Variants in TENM4 observed in about 807,000 individuals in gnomAD.
TENM4 encodes teneurin-4.
Under a neutral mutation model 243.3 loss-of-function variants are expected in TENM4, and 82 were observed. The observed-to-expected ratio is 0.34, with a 90% CI of 0.28 to 0.40. TENM4 has a LOEUF of 0.40. TENM4 is among the 10% of genes least tolerant of loss of function. The pLI is 1.00. For synonymous variants in TENM4, 1,412 were observed against 1,456.3 expected (o/e 0.97, Z 0.69); for missense variants, 3,138 against 3,673.3 (o/e 0.85, Z 3.77).
At chr11:78,869,593 A>G (rs1216886210) in intron 9 of TENM4, among the ~76,000 whole-genome samples, 1 of 152,084 alleles carries the variant, frequency 6.6e-6, no homozygotes, top group Non-Finnish European at 1.5e-5. Context: ...ATGCTCTCTC[A>G]CTCAATCTTT....
At chr11:78,811,762 C>G (rs1448379659) in intron 14 of TENM4, among the ~76,000 whole-genome samples, 2 of 152,194 alleles carry the variant, frequency 1.3e-5, no homozygotes, top group East Asian at 3.8e-4. Context: ...TGTCTACTAG[C>G]CATGTGTCCT....
intron 9 of TENM4, 50 bp downstream of exon 9, chr11:78,889,735 C>T: frequency 1.3e-6 from 2 of 1,531,638 alleles, no homozygotes; most frequent in South Asian, 2.4e-5. Context: ...TTGGTTGCTG[C>T]CCTCTGGGCC....
At chr11:79,188,639 A>G (rs1863419385) in intron 3 of TENM4, among the ~76,000 whole-genome samples, 1 of 150,634 alleles carries the variant, frequency 6.6e-6, no homozygotes, top group African/African-American at 2.4e-5. Flanking sequence ...ATAAAGGAGA[A>G]GGGGAGCAAG....
At chr11:79,340,807 C>A (rs965073456) in intron 1 of TENM4, among the ~76,000 whole-genome samples, 2 of 152,136 alleles carry the variant, frequency 1.3e-5, no homozygotes, top group African/African-American at 4.8e-5. Flanking sequence ...CACTCCCTCC[C>A]CTGGTGTGGT....
intron 15 of TENM4, among the ~76,000 whole-genome samples, chr11:78,787,285 A>G (rs1053252904): frequency 6.6e-6 from 1 of 152,212 alleles, no homozygotes; most frequent in African/African-American, 2.4e-5. Flanking sequence ...TCCGTGGACA[A>G]TGACCCTCAG....
In TENM4 at chr11:78,854,327, G is replaced by A. The variant is rs1055853449; in HGVS notation, c.1471-13C>T. ...CCACAAAGTCAAACTGAAAGACAGAGAAAGCACAGTTAGCAGTGGGTCTGT... is the reference window on the plus strand; with the variant it reads ...CCACAAAGTCAAACTGAAAGACAGAAAAAGCACAGTTAGCAGTGGGTCTGT... On this transcript the variant is annotated splice_polypyrimidine_tract_variant and intron_variant, in intron 11 of 33. Coordinates refer to ENST00000278550, the MANE Select transcript of TENM4 (RefSeq NM_001098816.3). 1 of 1,489,450 alleles carries A rather than the reference G, an allele frequency of 6.7e-7. No homozygotes were observed. Among genetic ancestry groups the A allele is most frequent in the African/African-American group, 1.4e-5 (1 of 70,842 alleles). 92.3% of individuals were successfully genotyped at this position (1,489,450 alleles called of 1,614,324 possible).
chr11:78,823,533 T>G lies in TENM4; in HGVS notation c.1682-9138A>C, dbSNP rs149670455. Among the ~76,000 whole-genome samples the G allele has an allele frequency of 3.1e-3, 469 of 152,052 alleles. 3 individuals are homozygous for G. The highest frequency in any genetic ancestry group is 0.011 in the African/African-American group (452 of 41,462). On this transcript the variant is annotated intron_variant, in intron 12 of 33. Transcript: ENST00000278550. ...AGACGGGCTGGTGAGGTCCTTAAGG[T>G]CAAGGTGGAACCAAAGTGAAGAGGA... is the stretch of plus-strand genomic sequence containing the variant.
At chr11:79,235,822 C>T (rs578169428) in intron 2 of TENM4, among the ~76,000 whole-genome samples, 24 of 152,256 alleles carry the variant, frequency 1.6e-4, no homozygotes, top group Non-Finnish European at 3.2e-4. Flanking sequence ...CCTTGCCCTC[C>T]TTTCTTTGAG....
At chr11:78,928,140 C>T (rs1268944253) in intron 6 of TENM4, among the ~76,000 whole-genome samples, 1 of 152,160 alleles carries the variant, frequency 6.6e-6, no homozygotes, top group African/African-American at 2.4e-5. Context: ...CAAGACCCCA[C>T]CTTCCCCGTC....
rs1337487080 is a variant in TENM4 at position 79,182,335 on chromosome 11, T to C, written c.-163+33473A>G. Among the ~76,000 whole-genome samples the C allele has an allele frequency of 2.0e-5, 3 of 152,156 alleles. No individual in the cohort carries two copies. In the East Asian group the frequency reaches 5.8e-4, roughly 29 times the overall value. On this transcript the variant is annotated intron_variant, in intron 3 of 33. Coordinates refer to ENST00000278550, the MANE Select transcript of TENM4 (RefSeq NM_001098816.3). ...TGACAACAGAGCAAAGGCAATTTAATGGCACAAACATAATATTTTCAACAA... is the reference window on the plus strand; with the variant it reads ...TGACAACAGAGCAAAGGCAATTTAACGGCACAAACATAATATTTTCAACAA...
chr11:78,951,691 T>C (rs1404185941), intron 6 of TENM4, among the ~76,000 whole-genome samples: 2 of 152,162 alleles, frequency 1.3e-5, no homozygotes, highest in Non-Finnish European at 2.9e-5. Context: ...CTTCCTCTTT[T>C]ATAAGGACAC....
At chr11:78,708,313 G>A (rs1859305363) in intron 27 of TENM4, 48 bp downstream of exon 27, 1 of 1,607,808 alleles carries the variant, frequency 6.2e-7, no homozygotes. Flanking sequence ...TGGCAGATGA[G>A]AGGATGAGTG....
At chr11:78,933,201 A>G (rs1308298718) in intron 6 of TENM4, among the ~76,000 whole-genome samples, 3 of 152,110 alleles carry the variant, frequency 2.0e-5, no homozygotes, top group African/African-American at 7.2e-5. Flanking sequence ...GGGACAAGTG[A>G]GAATCGGTTT....
intron 2 of TENM4, among the ~76,000 whole-genome samples, chr11:79,264,215 C>T (rs373001333): frequency 6.6e-6 from 1 of 152,170 alleles, no homozygotes; most frequent in South Asian, 2.1e-4. Context: ...ATGGCCGGCA[C>T]GGGTGCTTTA....
intron 1 of TENM4, among the ~76,000 whole-genome samples, chr11:79,396,851 A>C (rs1393147135): frequency 6.6e-6 from 1 of 152,232 alleles, no homozygotes; most frequent in Admixed American, 6.5e-5. Context: ...TATGAGTCAC[A>C]ACCAAAGCCA....
At chr11:78,890,253 G>A (rs1457575700) in intron 8 of TENM4, among the ~76,000 whole-genome samples, 1 of 152,156 alleles carries the variant, frequency 6.6e-6, no homozygotes, top group East Asian at 1.9e-4. Context: ...CCCTACCCAT[G>A]GGAAAACCCA....
At position 79,180,464 on chromosome 11, in the gene TENM4, A is replaced by G. The variant is rs542554962; in HGVS notation, c.-162-31658T>C. 1.8e-4 allele frequency among the ~76,000 whole-genome samples: 27 copies of G among 151,872 alleles called. 1 individual carries two copies. In the South Asian group the frequency reaches 5.7e-3, roughly 32 times the overall value. On this transcript the variant is annotated intron_variant, in intron 3 of 33. Transcript: ENST00000278550. ...AGAATTGGATTTTGCTCCATTATGA[A>G]CTAGCAGTGTTGCCTTGGTCAAGTC...
At chr11:78,830,523 C>A (rs866429676) in intron 12 of TENM4, among the ~76,000 whole-genome samples, 1 of 152,202 alleles carries the variant, frequency 6.6e-6, no homozygotes, top group African/African-American at 2.4e-5. Flanking sequence ...GGAGCAGACT[C>A]CCCCCTGCTG....
chr11:78,666,404 T>C (rs1405383966), intron 32 of TENM4, among the ~76,000 whole-genome samples: 3 of 152,216 alleles, frequency 2.0e-5, no homozygotes, highest in Non-Finnish European at 4.4e-5. Flanking sequence ...TTTCTTATGG[T>C]GGGTTCCTAG....
Sources: allele counts gnomAD v4.1 joint callset (sites outside exome capture counted in the v4.1 genomes callset), GRCh38; gene constraint gnomAD v4.1.1; transcripts MANE v1.5; gene names NCBI Gene and HGNC (gene_info 2026-07-23, HGNC 2026-07-21).